RASSF2: variants seen among roughly 807,000 people sequenced by gnomAD.
RASSF2 encodes ras association domain-containing protein 2.
A neutral mutation model predicts 46.3 loss-of-function variants in RASSF2; 34 were observed. That is an observed-to-expected ratio of 0.73 (90% CI 0.56 to 0.98). RASSF2 has a LOEUF of 0.98. RASSF2 is among the 50% of genes least tolerant of loss of function. RASSF2 has a pLI of 0.00. For missense variants in RASSF2, 364 were observed against 431.2 expected (o/e 0.84, Z 1.38); for synonymous variants, 158 against 162.5 (o/e 0.97, Z 0.21).
intron 2 of RASSF2, among the ~76,000 whole-genome samples, chr20:4,803,975 T>G (rs1004290258): frequency 2.6e-5 from 4 of 151,882 alleles, no homozygotes; most frequent in African/African-American, 9.7e-5. Flanking sequence ...GGAGGATAAA[T>G]TGGGCCCGGG....
At chr20:4,785,047 C>T (rs148053643) in intron 11 of RASSF2, among the ~76,000 whole-genome samples, 42 of 151,600 alleles carry the variant, frequency 2.8e-4, no homozygotes, top group African/African-American at 9.7e-4. Flanking sequence ...TGGTGGCTCA[C>T]GCCTGCAATC....
chr20:4,807,223 C>G (rs1160808925), intron 2 of RASSF2, among the ~76,000 whole-genome samples: 1 of 151,850 alleles, frequency 6.6e-6, no homozygotes, highest in Non-Finnish European at 1.5e-5. Flanking sequence ...AAATCGCTAG[C>G]TTACTCCTTC....
chr20:4,808,672 G>T (rs1379920010), intron 2 of RASSF2, among the ~76,000 whole-genome samples: 1 of 151,974 alleles, frequency 6.6e-6, no homozygotes. Context: ...TTTTTGTAAA[G>T]ATGGAGTCTC....
intron 10 of RASSF2, among the ~76,000 whole-genome samples, chr20:4,786,891 TG>T (rs1363772525): frequency 1.3e-5 from 2 of 152,006 alleles, no homozygotes. Context: ...CAAGACCAGC[TG>T]GCCAACATGG....
At chr20:4,818,175 G>A (rs966037541) in intron 2 of RASSF2, among the ~76,000 whole-genome samples, 1 of 152,062 alleles carries the variant, frequency 6.6e-6, no homozygotes, top group Non-Finnish European at 1.5e-5. Flanking sequence ...GCTGAGGCAG[G>A]AGAATCGCTT....
intron 5 of RASSF2, among the ~76,000 whole-genome samples, chr20:4,794,050 G>C (rs927163122): frequency 6.6e-6 from 1 of 152,152 alleles, no homozygotes; most frequent in Non-Finnish European, 1.5e-5. Flanking sequence ...CTGTGAAATG[G>C]GCTTGGCCAT....
At chr20:4,785,283 G>A (rs1024311268) in intron 11 of RASSF2, among the ~76,000 whole-genome samples, 5 of 152,080 alleles carry the variant, frequency 3.3e-5, no homozygotes, top group Non-Finnish European at 5.9e-5. Context: ...AAGTTGCAGT[G>A]AGCCGAGATC....
chr20:4,790,443 C>T lies in RASSF2; in HGVS notation c.537+8G>A. 1 of 1,454,428 alleles carries T rather than the reference C, an allele frequency of 6.9e-7. No homozygotes were observed. The allele number at this position is 1,454,428 out of a possible 1,614,324, so 90.1% of individuals were successfully genotyped here. ...CTTCCACCCTCCCCGTCCCCCTGTC[C>T]ACCTTACCTTATGGTTGTAGAAATG... On this transcript the variant is annotated splice_region_variant and intron_variant, in intron 7 of 11. Coordinates refer to ENST00000379400, the MANE Select transcript of RASSF2 (RefSeq NM_014737.3). This position sits in a 1 kb window ranked among gnomAD's most constrained non-coding sequence, Gnocchi z 4.3.
At chr20:4,820,463 T>G (rs775630914) in intron 2 of RASSF2, among the ~76,000 whole-genome samples, 11 of 152,038 alleles carry the variant, frequency 7.2e-5, no homozygotes, top group Non-Finnish European at 1.2e-4. Flanking sequence ...TGAGCCATGA[T>G]TGCACCACTG....
chr20:4,792,696 C>T (rs367698671), intron 5 of RASSF2, 69 bp from the exon 6 acceptor site: 1 of 1,539,802 alleles, frequency 6.5e-7, no homozygotes, highest in African/African-American at 1.4e-5. Flanking sequence ...GCCCCCGCAC[C>T]CGCTGGACCC....
Position 4,780,597 on chromosome 20 carries a change from TCTC to T in RASSF2, c.*3673_*3675del, listed in dbSNP as rs1924710398. 2 of 152,232 alleles carry T rather than the reference TCTC, an allele frequency of 1.3e-5. No homozygotes were observed. The highest frequency in any genetic ancestry group is 2.9e-5 in the Non-Finnish European group (2 of 68,044). The allele number at this position is 152,232 out of a possible 1,614,324, so 9.4% of individuals were successfully genotyped here. On this transcript the variant is annotated 3_prime_UTR_variant, in exon 12 of 12. Transcript: ENST00000379400. ...GCTATATCAGGGACGCTTATGGTGA[TCTC>T]CTGTCTCCTATCTCATTCTTCACGT...
intron 4 of RASSF2, among the ~76,000 whole-genome samples, chr20:4,797,783 A>G (rs1017296002): frequency 2.0e-5 from 3 of 152,154 alleles, no homozygotes; most frequent in African/African-American, 7.2e-5. Context: ...GCCCTGCCAC[A>G]TTTCTACAGG....
intron 3 of RASSF2, 146 bp from the exon 4 acceptor site, chr20:4,798,231 T>G (rs1364694808): frequency 7.5e-7 from 1 of 1,335,778 alleles, no homozygotes; most frequent in Non-Finnish European, 1.0e-6. Context: ...CACATGCACA[T>G]GCACACAGAG....
rs762734075 is a variant in RASSF2, at chr20:4,790,517, C to T, written c.471G>A (p.Thr157=). 7 of 1,531,686 alleles carry T rather than the reference C, an allele frequency of 4.6e-6. No homozygotes were observed. Among genetic ancestry groups the T allele is most frequent in the East Asian group, 5.3e-5 (2 of 38,008 alleles). 94.9% of individuals were successfully genotyped at this position (1,531,686 alleles called of 1,614,324 possible). Residue 157 remains threonine, a synonymous_variant, in exon 7 of 12, where the codon ACG becomes ACA. Coordinates refer to ENST00000379400, the MANE Select transcript of RASSF2 (RefSeq NM_014737.3). The surrounding 1 kb of genome is among the most constrained non-coding windows in gnomAD (Gnocchi z 4.3). ...GTCTGATTCGCCGCTGGTCACTAGG[C>T]GTCCTCACATTGCCACGGCGACGCA... ...VGVRRRGNVR[T]PSDQRRIRRH...
rs1193742159 is a variant in RASSF2 at position 4,790,742 on chromosome 20, G to C, written c.377-131C>G. On this transcript the variant is annotated intron_variant, in intron 6 of 11. Coordinates refer to ENST00000379400, the MANE Select transcript of RASSF2 (RefSeq NM_014737.3). The surrounding 1 kb of genome is among the most constrained non-coding windows in gnomAD (Gnocchi z 4.3). ...ATATTTTATACAAATAATATTTTCT[G>C]CTGGGGGAAAAACATAATGCAGAAT... The C allele has an allele frequency of 3.0e-6, 2 of 665,248 alleles. No individual in the cohort carries two copies. Among genetic ancestry groups the C allele is most frequent in the Non-Finnish European group, 4.4e-6 (2 of 452,922 alleles). The allele number at this position is 665,248 out of a possible 1,614,324, so 41.2% of individuals were successfully genotyped here.
intron 2 of RASSF2, among the ~76,000 whole-genome samples, chr20:4,820,370 G>A (rs887626692): frequency 1.3e-5 from 2 of 152,124 alleles, no homozygotes; most frequent in East Asian, 1.9e-4. Flanking sequence ...ATTTAGCTGG[G>A]TGTGGTGGCA....
At chr20:4,809,091 T>C (rs1321150196) in intron 2 of RASSF2, among the ~76,000 whole-genome samples, 1 of 152,230 alleles carries the variant, frequency 6.6e-6, no homozygotes, top group Non-Finnish European at 1.5e-5. Flanking sequence ...ACTGGCTTCA[T>C]GCTTTGGCAG....
rs987974442 is a variant in RASSF2 at position 4,784,422 on chromosome 20, C to T, written c.912-80G>A. Reference sequence around the variant, plus strand: ...AGGACCTTCCCGGCCACCTGGGTAACACCAAGGTCACACCAGGTAACAGTG... The same window carrying T: ...AGGACCTTCCCGGCCACCTGGGTAATACCAAGGTCACACCAGGTAACAGTG... On this transcript the variant is annotated intron_variant, in intron 11 of 11. Coordinates refer to ENST00000379400, the MANE Select transcript of RASSF2 (RefSeq NM_014737.3). 1.7e-5 allele frequency: 22 copies of T among 1,315,902 alleles called. No homozygotes were observed. In the African/African-American group the frequency reaches 3.2e-4, roughly 19 times the overall value. 81.5% of individuals were successfully genotyped at this position (1,315,902 alleles called of 1,614,324 possible). A position where few individuals can be genotyped will look rare whatever the true frequency, so the allele number is the denominator to read the frequency against.
Position 4,801,125 on chromosome 20 carries a change from C to T in RASSF2, c.-32-63G>A, listed in dbSNP as rs919029336. ...TTGTGTGCTTGGGAACTCAGCAGAACTTGGGGTGGGGAGGGGGCACAAAAT... is the reference window on the plus strand; with the variant it reads ...TTGTGTGCTTGGGAACTCAGCAGAATTTGGGGTGGGGAGGGGGCACAAAAT... On this transcript the variant is annotated intron_variant, in intron 2 of 11. Transcript: ENST00000379400. The T allele has an allele frequency of 6.5e-6, 9 of 1,384,244 alleles. No individual in the cohort carries two copies. In the African/African-American group the frequency reaches 1.1e-4, roughly 18 times the overall value. The allele number at this position is 1,384,244 out of a possible 1,614,324, so 85.7% of individuals were successfully genotyped here. A position where few individuals can be genotyped will look rare whatever the true frequency, so the allele number is the denominator to read the frequency against.
Sources: allele counts gnomAD v4.1 joint callset (sites outside exome capture counted in the v4.1 genomes callset), GRCh38; gene constraint gnomAD v4.1.1; non-coding constraint Gnocchi (gnomAD v3.1); transcripts MANE v1.5; gene names NCBI Gene and HGNC (gene_info 2026-07-23, HGNC 2026-07-21).